The following SLC17A4 variants were observed in gnomAD, a reference collection of about 807,000 sequenced individuals.
SLC17A4 encodes solute carrier family 17 member 4.
In SLC17A4, 33 loss-of-function variants were observed where a neutral mutation model predicts 52.5. That is an observed-to-expected ratio of 0.63 (90% CI 0.48 to 0.84). The LOEUF is 0.84. SLC17A4 is among the 40% of genes least tolerant of loss of function. SLC17A4 has a pLI of 0.00. For synonymous variants in SLC17A4, 225 were observed against 216.2 expected (o/e 1.04, Z -0.36); for missense variants, 585 against 597.1 (o/e 0.98, Z 0.21).
chr6:25,770,576 A>G, intron 5 of SLC17A4, 105 bp downstream of exon 5: 3 of 1,058,354 alleles, frequency 2.8e-6, no homozygotes, highest in Non-Finnish European at 4.4e-6. Context: ...GTGTCTTCAT[A>G]GTCCTTTCCT....
chr6:25,771,969 A>G (rs1762518307), intron 6 of SLC17A4, among the ~76,000 whole-genome samples: 1 of 152,154 alleles, frequency 6.6e-6, no homozygotes, highest in Non-Finnish European at 1.5e-5. Context: ...TTTGTTTAAT[A>G]TTTGAAACAT....
In SLC17A4 at chr6:25,778,024, C is replaced by G; in HGVS notation, c.1359+8C>G. The G allele has an allele frequency of 6.6e-7, 1 of 1,516,812 alleles. No homozygotes were observed. Among genetic ancestry groups the G allele is most frequent in the African/African-American group, 1.4e-5 (1 of 73,668 alleles). 94.0% of individuals were successfully genotyped at this position (1,516,812 alleles called of 1,614,324 possible). A position where few individuals can be genotyped will look rare whatever the true frequency, so the allele number is the denominator to read the frequency against. On this transcript the variant is annotated splice_region_variant and intron_variant, in intron 11 of 11. Coordinates refer to ENST00000377905, the MANE Select transcript of SLC17A4 (RefSeq NM_005495.3). ...GGATTTTTCATCAGTCAGGTGAGGTCAAATGTTCTGATGAATATTCATAAA... is the reference window on the plus strand; with the variant it reads ...GGATTTTTCATCAGTCAGGTGAGGTGAAATGTTCTGATGAATATTCATAAA...
chr6:25,773,810 C>T (rs1190189364), intron 8 of SLC17A4, 136 bp downstream of exon 8: 2 of 784,072 alleles, frequency 2.6e-6, no homozygotes, highest in Non-Finnish European at 3.9e-6. Context: ...ATAGGAAATG[C>T]AATCTAGTTA....
intron 3 of SLC17A4, among the ~76,000 whole-genome samples, chr6:25,769,501 T>C (rs1220650362): frequency 6.6e-6 from 1 of 150,690 alleles, no homozygotes; most frequent in Non-Finnish European, 1.5e-5. Flanking sequence ...GAAGTTGCAG[T>C]GAGCGGAGAT....
At chr6:25,767,884 G>A (rs1309717879) in intron 2 of SLC17A4, among the ~76,000 whole-genome samples, 1 of 152,080 alleles carries the variant, frequency 6.6e-6, no homozygotes, top group Non-Finnish European at 1.5e-5. Context: ...CTCAGTGGGG[G>A]AAAAGCTGAT....
chr6:25,769,318 AAG>A, intron 3 of SLC17A4, 128 bp downstream of exon 3: 1 of 875,602 alleles, frequency 1.1e-6, no homozygotes, highest in Non-Finnish European at 1.7e-6. Flanking sequence ...GGAATGGCAC[AAG>A]TACCTAAGTA....
intron 1 of SLC17A4, among the ~76,000 whole-genome samples, chr6:25,760,047 G>A (rs1761400646): frequency 6.6e-6 from 1 of 152,132 alleles, no homozygotes; most frequent in South Asian, 2.1e-4. Flanking sequence ...CAAGTGGGAG[G>A]ATGCAGCTTG....
intron 2 of SLC17A4, among the ~76,000 whole-genome samples, chr6:25,764,476 A>T (rs1318016): frequency 0.3 from 45,432 of 152,182 alleles, 7,768 homozygotes; most frequent in East Asian, 0.74. Context: ...AGTACTTCCA[A>T]CTAGATTGAA....
At chr6:25,773,471 T>C (rs1762644608) in intron 7 of SLC17A4, 42 bp from the exon 8 acceptor site, 1 of 1,612,904 alleles carries the variant, frequency 6.2e-7, no homozygotes, top group Non-Finnish European at 8.5e-7. Context: ...TAGAGAGAGC[T>C]GCCTTCTGAC....
intron 1 of SLC17A4, among the ~76,000 whole-genome samples, chr6:25,755,648 AAAAT>A (rs1760951939): frequency 6.6e-6 from 1 of 152,186 alleles, no homozygotes; most frequent in Non-Finnish European, 1.5e-5. Flanking sequence ...ACCTGGTTTC[AAAAT>A]AAATAGATAA....
At position 25,768,977 on chromosome 6, in the gene SLC17A4, C is replaced by T; in HGVS notation, c.92-8C>T. On this transcript the variant is annotated splice_region_variant and splice_polypyrimidine_tract_variant and intron_variant, in intron 2 of 11. Coordinates refer to ENST00000377905, the MANE Select transcript of SLC17A4 (RefSeq NM_005495.3). ...TGATTGTGATTTTTCATGCCCTTTT[C>T]CTCTCAGGTTTTTGTTCAGTCCGAC... 6.2e-6 allele frequency: 10 copies of T among 1,613,706 alleles called. No homozygotes were observed. The highest frequency in any genetic ancestry group is 8.5e-6 in the Non-Finnish European group (10 of 1,179,786).
At chr6:25,769,772 C>T (rs1259317235) in intron 3 of SLC17A4, among the ~76,000 whole-genome samples, 2 of 151,820 alleles carry the variant, frequency 1.3e-5, no homozygotes, top group African/African-American at 4.8e-5. Context: ...GCTTTTTCTT[C>T]CTTCCACGTA....
At chr6:25,756,875 A>C (rs1033486179) in intron 1 of SLC17A4, among the ~76,000 whole-genome samples, 2 of 152,202 alleles carry the variant, frequency 1.3e-5, no homozygotes, top group African/African-American at 4.8e-5. Context: ...TAGCTTGTGG[A>C]AAAAAATGTT....
chr6:25,778,039 A>G (rs1453803406), intron 11 of SLC17A4, 23 bp downstream of exon 11: 22 of 1,589,094 alleles, frequency 1.4e-5, no homozygotes, highest in Non-Finnish European at 1.8e-5. Context: ...GTTCTGATGA[A>G]TATTCATAAA....
intron 5 of SLC17A4, 57 bp from the exon 6 acceptor site, chr6:25,770,869 A>T: frequency 2.2e-6 from 3 of 1,344,068 alleles, no homozygotes; most frequent in Non-Finnish European, 3.2e-6. Context: ...TGTAGAAAGC[A>T]CATAGAGCCC....
chr6:25,756,634 G>T (rs1761041380), intron 1 of SLC17A4, among the ~76,000 whole-genome samples: 1 of 152,124 alleles, frequency 6.6e-6, no homozygotes, highest in African/African-American at 2.4e-5. Context: ...ATTAACGCCA[G>T]CAAAACCATT....
intron 6 of SLC17A4, among the ~76,000 whole-genome samples, chr6:25,772,378 G>A (rs1026676640): frequency 1.3e-5 from 2 of 151,988 alleles, no homozygotes; most frequent in Admixed American, 1.3e-4. Flanking sequence ...TTGTGTCTTC[G>A]CCATTTTATA....
intron 2 of SLC17A4, 22 bp downstream of exon 2, chr6:25,762,075 T>C (rs1249170906): frequency 6.3e-7 from 1 of 1,598,640 alleles, no homozygotes; most frequent in Non-Finnish European, 8.6e-7. Context: ...CACAGTAATC[T>C]GGTAGTAAAT....
At chr6:25,768,859 G>A in intron 2 of SLC17A4, 126 bp from the exon 3 acceptor site, 2 of 881,212 alleles carry the variant, frequency 2.3e-6, no homozygotes, top group Non-Finnish European at 3.6e-6. Flanking sequence ...CACACCTACA[G>A]AGGAATGTCT....
Sources: gnomAD v4.1 joint callset for allele counts (sites outside exome capture counted in the v4.1 genomes callset) on GRCh38, gnomAD v4.1.1 for gene constraint, MANE v1.5 for transcripts, NCBI Gene and HGNC (gene_info 2026-07-23, HGNC 2026-07-21) for gene names.